Variants in CBL observed in about 807,000 individuals in gnomAD.
The protein encoded by CBL is Cbl proto-oncogene.
In CBL, 45 loss-of-function variants were observed where a neutral mutation model predicts 96.9. The observed-to-expected ratio is 0.46, with a 90% confidence interval of 0.37 to 0.60. The LOEUF (loss-of-function observed/expected upper bound fraction) is 0.60. Among genes scored for constraint, CBL ranks in the 20% least tolerant of loss-of-function variants. The pLI is 0.00. For missense variants in CBL, 1,024 were observed against 1,143.5 expected (o/e 0.90, Z 1.51); for synonymous variants, 420 against 426.8 (o/e 0.98, Z 0.20).
chr11:119,229,276 T>C (rs888700371), intron 1 of CBL, among the ~76,000 whole-genome samples: 1 of 152,236 alleles, frequency 6.6e-6, no homozygotes, highest in Non-Finnish European at 1.5e-5. Context: ...TAATATGAGT[T>C]ATTAACTCTG....
chr11:119,259,955 G>T (rs1949741503), intron 2 of CBL, among the ~76,000 whole-genome samples: 1 of 152,138 alleles, frequency 6.6e-6, no homozygotes, highest in Non-Finnish European at 1.5e-5. Context: ...GTTTCAGCTT[G>T]ATTATCTTGT....
At chr11:119,233,079 A>G (rs1949516535) in intron 2 of CBL, among the ~76,000 whole-genome samples, 1 of 152,104 alleles carries the variant, frequency 6.6e-6, no homozygotes, top group Non-Finnish European at 1.5e-5. Context: ...AGGTAAATTT[A>G]TATGTGGGAT....
chr11:119,287,472 GATAGCCTA>G (rs1949992479), intron 11 of CBL, among the ~76,000 whole-genome samples: 1 of 152,186 alleles, frequency 6.6e-6, no homozygotes, highest in South Asian at 2.1e-4. Context: ...CTGTGGGGTG[GATAGCCTA>G]ATTAGTGAGT....
chr11:119,247,939 T>C (rs999165606), intron 2 of CBL, among the ~76,000 whole-genome samples: 2 of 152,200 alleles, frequency 1.3e-5, no homozygotes, highest in Non-Finnish European at 2.9e-5. Context: ...AAAAGACTTG[T>C]ACACTGGAAA....
At chr11:119,297,179 T>A (rs532946902) in intron 13 of CBL, 145 bp downstream of exon 13, 2 of 764,208 alleles carry the variant, frequency 2.6e-6, no homozygotes, top group Non-Finnish European at 4.7e-6. Context: ...CTTAATGGTT[T>A]AAGCCTTTTG....
chr11:119,244,774 C>T (rs1949613445), intron 2 of CBL, among the ~76,000 whole-genome samples: 1 of 151,416 alleles, frequency 6.6e-6, no homozygotes, highest in South Asian at 2.1e-4. Context: ...TGGTCTTGAA[C>T]TCCTGAGTTC....
In CBL at chr11:119,307,496, T is replaced by C; in HGVS notation, c.*7715T>C. ...ATTTGAAGGCTTCAGACTTAAAGCA[T>C]TAAGCAGCTAGTGCCCTCTGCAGGG... On this transcript the variant is annotated 3_prime_UTR_variant, in exon 16 of 16. Coordinates refer to ENST00000264033, the MANE Select transcript of CBL (RefSeq NM_005188.4). 1 of 228,826 alleles carries C rather than the reference T, an allele frequency of 4.4e-6. No individual in the cohort carries two copies. The highest frequency in any genetic ancestry group is 8.7e-6 in the Non-Finnish European group (1 of 114,994). 14.2% of individuals were successfully genotyped at this position (228,826 alleles called of 1,614,324 possible).
intron 12 of CBL, among the ~76,000 whole-genome samples, chr11:119,294,342 A>G (rs1030333205): frequency 5.4e-5 from 8 of 149,152 alleles, no homozygotes; most frequent in Admixed American, 6.7e-5. Context: ...GGCAGGAGAA[A>G]TGCTTGAATC....
intron 1 of CBL, among the ~76,000 whole-genome samples, chr11:119,217,950 T>C (rs1949376409): frequency 6.6e-6 from 1 of 151,982 alleles, no homozygotes. Flanking sequence ...GGTGGTGAGT[T>C]CCTTTAGTCC....
rs1591274645 is a variant in CBL at position 119,305,633 on chromosome 11, G to C, written c.*5852G>C. On this transcript the variant is annotated 3_prime_UTR_variant, in exon 16 of 16. Coordinates refer to ENST00000264033, the MANE Select transcript of CBL (RefSeq NM_005188.4). Reference sequence around the variant, plus strand: ...TATATAATATTGGAGCAGTTGCCAGGATAGAAATTAAATATAGATTCCAGT... The same window carrying C: ...TATATAATATTGGAGCAGTTGCCAGCATAGAAATTAAATATAGATTCCAGT... 4.5e-6 allele frequency: 1 copy of C among 224,522 alleles called. No homozygotes were observed. Among genetic ancestry groups the C allele is most frequent in the East Asian group, 6.5e-5 (1 of 15,458 alleles). The allele number at this position is 224,522 out of a possible 1,614,324, so 13.9% of individuals were successfully genotyped here. A position where few individuals can be genotyped will look rare whatever the true frequency, so the allele number is the denominator to read the frequency against.
chr11:119,272,496 A>G (rs562084379), intron 3 of CBL, among the ~76,000 whole-genome samples: 122 of 152,368 alleles, frequency 8.0e-4, no homozygotes, highest in African/African-American at 2.8e-3. Flanking sequence ...TTGTCTTCAT[A>G]TGCAAGAAAT....
At chr11:119,225,585 G>A (rs1328564288) in intron 1 of CBL, among the ~76,000 whole-genome samples, 1 of 151,982 alleles carries the variant, frequency 6.6e-6, no homozygotes, top group East Asian at 1.9e-4. Context: ...TTTTTGTAGA[G>A]ATAGGGTTTT....
rs189012919 is a variant in CBL at position 119,236,562 on chromosome 11, A to G, written c.443+3867A>G. 8.8e-3 allele frequency among the ~76,000 whole-genome samples: 1,301 copies of G among 148,370 alleles called. 26 individuals carry two copies. Among genetic ancestry groups the G allele is most frequent in the African/African-American group, 0.031 (1,240 of 40,420 alleles). On this transcript the variant is annotated intron_variant, in intron 2 of 15. Coordinates refer to ENST00000264033, the MANE Select transcript of CBL (RefSeq NM_005188.4). ...TTTTTGTATGGCTATAGCCATATAA[A>G]CATATATACATATATGTTTTCACTT...
At chr11:119,227,115 C>G (rs377223364) in intron 1 of CBL, among the ~76,000 whole-genome samples, 1 of 151,986 alleles carries the variant, frequency 6.6e-6, no homozygotes, top group Non-Finnish European at 1.5e-5. Flanking sequence ...CTTTGAATAT[C>G]CATATAACCA....
intron 2 of CBL, among the ~76,000 whole-genome samples, chr11:119,264,955 CAACCT>C (rs375171139): frequency 8.5e-5 from 13 of 152,258 alleles, no homozygotes; most frequent in African/African-American, 3.1e-4. Context: ...TTGCTCACTG[CAACCT>C]CCACTTGCCA....
At position 119,280,202 on chromosome 11, in the gene CBL, G is replaced by C. The variant is rs142646802; in HGVS notation, c.1431+1489G>C. Among the ~76,000 whole-genome samples the C allele has an allele frequency of 2.4e-3, 372 of 152,292 alleles. 6 individuals are homozygous for C. The highest frequency in any genetic ancestry group is 4.3e-4 in the Non-Finnish European group (29 of 68,022). On this transcript the variant is annotated intron_variant, in intron 9 of 15. Transcript: ENST00000264033. ...TATATTGGCCTGCTTTTACAAGTCT[G>C]TCTAGGCTAGCAGTGGGATTGCTGC...
chr11:119,285,455 A>G lies in CBL; in HGVS notation c.1830A>G (p.Thr610=), dbSNP rs756758516. The change falls in exon 11 of 16, where the codon ACA becomes ACG. Residue 610 remains threonine (T), a synonymous_variant. Coordinates refer to ENST00000264033, the MANE Select transcript of CBL (RefSeq NM_005188.4). ...CCCCAAGTTCCAGTGATCCCTGGAC[A>G]GGAAGAGAATTAACCAACCGGCACT... ...VSAPSSSDPW[T]GRELTNRHSL... is the part of the protein sequence containing the mutation. 22 of 1,614,082 alleles carry G rather than the reference A, an allele frequency of 1.4e-5. No individual in the cohort carries two copies. Among genetic ancestry groups the G allele is most frequent in the African/African-American group, 4.0e-5 (3 of 74,938 alleles).
intron 2 of CBL, among the ~76,000 whole-genome samples, chr11:119,264,423 C>CTTCT (rs1476067814): frequency 1.6e-5 from 2 of 126,376 alleles, no homozygotes; most frequent in Non-Finnish European, 3.4e-5. Context: ...CTTCTCTTCT[C>CTTCT]TTCTCTTCTC....
In CBL at chr11:119,302,761, C is replaced by T. The variant is rs1306397722; in HGVS notation, c.*2980C>T. On this transcript the variant is annotated 3_prime_UTR_variant, in exon 16 of 16. Transcript: ENST00000264033. ...ACCTGTGGGCTCTTCATATACCTCC[C>T]TTTAGTTAAGTAATAGACCAGGCAG... The T allele has an allele frequency of 9.1e-5, 21 of 231,082 alleles. No homozygotes were observed. The Admixed American group carries it at 9.6e-4, about 11-fold the overall frequency. 14.3% of individuals were successfully genotyped at this position (231,082 alleles called of 1,614,324 possible). A position where few individuals can be genotyped will look rare whatever the true frequency, so the allele number is the denominator to read the frequency against.
Sources: gnomAD v4.1 joint callset for allele counts (sites outside exome capture counted in the v4.1 genomes callset) on GRCh38, gnomAD v4.1.1 for gene constraint, MANE v1.5 for transcripts, NCBI Gene and HGNC (gene_info 2026-07-23, HGNC 2026-07-21) for gene names.